MTUS2: variants seen among roughly 807,000 people sequenced by gnomAD.
The protein encoded by MTUS2 is microtubule associated scaffold protein 2, also known as microtubule-associated tumor suppressor candidate 2.
MTUS2 carries 40 observed loss-of-function variants against 114.1 expected under a neutral mutation model. The ratio of observed to expected loss-of-function variants is 0.35; its 90% CI spans 0.27 to 0.46. The LOEUF (loss-of-function observed/expected upper bound fraction) is 0.46. Ranked by LOEUF, MTUS2 falls within the 20% of genes least tolerant of loss-of-function variation. The probability of loss-of-function intolerance (pLI) is 1.00; values close to 1 mark genes in which losing one functional copy is unlikely to be tolerated. For synonymous variants in MTUS2, 688 were observed against 672.0 expected (o/e 1.02, Z -0.37); for missense variants, 1,679 against 1,705.4 (o/e 0.98, Z 0.27).
At chr13:29,343,763 A>G (rs1309787206) in intron 7 of MTUS2, among the ~76,000 whole-genome samples, 1 of 151,774 alleles carries the variant, frequency 6.6e-6, no homozygotes. Context: ...GTCCTCTTTC[A>G]GCTTTTTGAT....
intron 2 of MTUS2, among the ~76,000 whole-genome samples, chr13:28,923,938 C>T (rs1241590403): frequency 6.6e-6 from 1 of 152,082 alleles, no homozygotes; most frequent in Non-Finnish European, 1.5e-5. Flanking sequence ...CTTCTCCACC[C>T]TCCCCACCGT....
chr13:28,878,636 C>T (rs1462004738), intron 2 of MTUS2, among the ~76,000 whole-genome samples: 3 of 152,218 alleles, frequency 2.0e-5, no homozygotes, highest in Non-Finnish European at 4.4e-5. Context: ...CCAGCTCCAT[C>T]CATGTCCCTG....
At chr13:29,455,212 G>C (rs1879017163) in intron 9 of MTUS2, among the ~76,000 whole-genome samples, 1 of 152,190 alleles carries the variant, frequency 6.6e-6, no homozygotes, top group African/African-American at 2.4e-5. Context: ...CTGAGCAAAG[G>C]AGAGCCCCAG....
At chr13:29,491,920 ATG>A (rs1280038726) in intron 11 of MTUS2, among the ~76,000 whole-genome samples, 7 of 94,676 alleles carry the variant, frequency 7.4e-5, no homozygotes, top group East Asian at 7.6e-4. Context: ...TGTGTATGTG[ATG>A]TGTGTGTGGT....
In MTUS2 at chr13:29,164,644, G is replaced by T. The variant is rs548613474; in HGVS notation, c.2644+63674G>T. ...TCACAGCACTTTTGCACTAGAGTGG[G>T]AGCCCACAAAGAGAAAATGACTGAA... On this transcript the variant is annotated intron_variant, in intron 5 of 15. Transcript: ENST00000612955. 1.3e-4 allele frequency among the ~76,000 whole-genome samples: 20 copies of T among 152,254 alleles called. No individual in the cohort carries two copies. The East Asian group carries it at 3.3e-3, about 25-fold the overall frequency.
At chr13:29,035,038 T>TA (rs1374019482) in intron 4 of MTUS2, among the ~76,000 whole-genome samples, 1 of 152,144 alleles carries the variant, frequency 6.6e-6, no homozygotes, top group Non-Finnish European at 1.5e-5. Context: ...TGCATAAAAA[T>TA]ACCACCGTGA....
intron 4 of MTUS2, among the ~76,000 whole-genome samples, chr13:29,058,000 G>T (rs899530350): frequency 1.3e-5 from 2 of 151,888 alleles, no homozygotes; most frequent in African/African-American, 2.4e-5. Flanking sequence ...AATTCCCTTT[G>T]CATTTGCTTG....
chr13:29,498,669 C>A, intron 14 of MTUS2, 132 bp downstream of exon 14: 1 of 1,237,876 alleles, frequency 8.1e-7, no homozygotes, highest in Non-Finnish European at 1.1e-6. Context: ...CAGAAAATCC[C>A]ACAGCTGGCC....
chr13:29,184,805 A>G (rs1264781553), intron 5 of MTUS2, among the ~76,000 whole-genome samples: 1 of 152,196 alleles, frequency 6.6e-6, no homozygotes, highest in Non-Finnish European at 1.5e-5. Flanking sequence ...GATTTTCAAA[A>G]TGCCAATTTA....
At chr13:29,174,178 T>C (rs1893675745) in intron 5 of MTUS2, among the ~76,000 whole-genome samples, 1 of 152,204 alleles carries the variant, frequency 6.6e-6, no homozygotes, top group African/African-American at 2.4e-5. Context: ...GGTTCCATGC[T>C]ACCTAGAAAT....
rs763331479 is a variant in MTUS2, at chr13:29,026,373, A to G, written c.1675A>G (p.Ser559Gly). Residue 559 changes from serine to glycine, a missense_variant, in exon 3 of 16, where the codon AGC (serine) becomes GGC (glycine). This residue lies in a region of MTUS2 where 843 missense variants were observed against 770.8 expected (regional missense o/e 1.09). Transcript: ENST00000612955. ...ACCCAGTAGCAGTTTTCAGGATGTTAGCGTGTTCGGTATGGATGCGGGGTC... is the reference window on the plus strand; with the variant it reads ...ACCCAGTAGCAGTTTTCAGGATGTTGGCGTGTTCGGTATGGATGCGGGGTC... ...TTPSSSFQDV[S>G]VFGMDAGSPL... The G allele has an allele frequency of 1.9e-6, 3 of 1,613,972 alleles. No individual in the cohort carries two copies. Among genetic ancestry groups the G allele is most frequent in the Non-Finnish European group, 2.5e-6 (3 of 1,179,874 alleles).
At chr13:29,261,848 G>C (rs1391815511) in intron 5 of MTUS2, among the ~76,000 whole-genome samples, 1 of 152,216 alleles carries the variant, frequency 6.6e-6, no homozygotes, top group Non-Finnish European at 1.5e-5. Context: ...AAGCTTTTAA[G>C]TACTTCAGAT....
rs372666382 is a variant in MTUS2 at position 29,158,358 on chromosome 13, C to CTT, written c.2644+57410_2644+57411dup. On this transcript the variant is annotated intron_variant, in intron 5 of 15. Coordinates refer to ENST00000612955, the MANE Select transcript of MTUS2 (RefSeq NM_001033602.4). ...CACCCCCCAACCCCCGTCCACCCCG[C>CTT]TTTTTTTTTTTTTTTTTTTTTTTGC... Among the ~76,000 whole-genome samples the CTT allele has an allele frequency of 7.2e-3, 232 of 32,038 alleles. 9 individuals carry two copies. Among genetic ancestry groups the CTT allele is most frequent in the African/African-American group, 0.02 (95 of 4,864 alleles). 21.0% of individuals were successfully genotyped at this position (32,038 alleles called of 152,430 possible).
chr13:29,185,638 T>C (rs1043970164), intron 5 of MTUS2, among the ~76,000 whole-genome samples: 23 of 152,214 alleles, frequency 1.5e-4, no homozygotes, highest in African/African-American at 5.5e-4. Flanking sequence ...ATATTCATAT[T>C]CAAAGTGCTC....
chr13:29,173,139 T>C (rs1893631013), intron 5 of MTUS2, among the ~76,000 whole-genome samples: 1 of 152,182 alleles, frequency 6.6e-6, no homozygotes, highest in Non-Finnish European at 1.5e-5. Flanking sequence ...ATTTTTCTTT[T>C]CTTATTGATA....
At chr13:29,246,353 T>G (rs1896925817) in intron 5 of MTUS2, among the ~76,000 whole-genome samples, 1 of 152,182 alleles carries the variant, frequency 6.6e-6, no homozygotes, top group Non-Finnish European at 1.5e-5. Context: ...ATCTTCTGAG[T>G]TTCCTTAGGA....
intron 6 of MTUS2, among the ~76,000 whole-genome samples, chr13:29,312,446 A>C (rs956875618): frequency 2.0e-5 from 3 of 152,238 alleles, no homozygotes; most frequent in African/African-American, 7.2e-5. Context: ...GTAAAACTAC[A>C]GGATCTAATA....
At chr13:28,860,520 C>T (rs2138063571) in intron 2 of MTUS2, among the ~76,000 whole-genome samples, 1 of 152,318 alleles carries the variant, frequency 6.6e-6, no homozygotes, top group South Asian at 2.1e-4. Flanking sequence ...AGGAAGGGGG[C>T]TATCTGGCCT....
At chr13:29,079,643 GA>G (rs917272122) in intron 4 of MTUS2, among the ~76,000 whole-genome samples, 2 of 152,088 alleles carry the variant, frequency 1.3e-5, no homozygotes, top group African/African-American at 4.8e-5. Flanking sequence ...ACCATTTGTT[GA>G]AAAACCTCTT....
Sources: gnomAD v4.1 joint callset for allele counts (sites outside exome capture counted in the v4.1 genomes callset) on GRCh38, gnomAD v4.1.1 for gene constraint, gnomAD v4.1.1 regional missense constraint, MANE v1.5 for transcripts, NCBI Gene and HGNC (gene_info 2026-07-23, HGNC 2026-07-21) for gene names.